The following C14orf39 variants were observed in gnomAD, a reference collection of about 807,000 sequenced individuals.
C14orf39 encodes the protein protein SIX6OS1.
C14orf39 carries 66 observed loss-of-function variants against 85.6 expected under a neutral mutation model. The observed-to-expected ratio is 0.77, with a 90% confidence interval of 0.63 to 0.95. The LOEUF (loss-of-function observed/expected upper bound fraction) is 0.95. Among genes scored for constraint, C14orf39 ranks in the 40% least tolerant of loss-of-function variants. The pLI, the probability that C14orf39 is intolerant of heterozygous loss-of-function variation, is 0.00. For missense variants in C14orf39, 735 were observed against 663.9 expected (o/e 1.11, Z -1.18); for synonymous variants, 242 against 214.0 (o/e 1.13, Z -1.14).
intron 16 of C14orf39, among the ~76,000 whole-genome samples, chr14:60,447,280 T>C (rs1409417558): frequency 6.6e-6 from 1 of 152,284 alleles, no homozygotes; most frequent in Non-Finnish European, 1.5e-5. Context: ...GCAGATGACA[T>C]GATTGTATAT....
intron 13 of C14orf39, among the ~76,000 whole-genome samples, chr14:60,461,041 A>C (rs1891499547): frequency 6.6e-6 from 1 of 151,928 alleles, no homozygotes; most frequent in Non-Finnish European, 1.5e-5. Context: ...AAGAATAAAA[A>C]ATTATGTATA....
intron 1 of C14orf39, chr14:60,510,954 C>T: frequency 1.1e-6 from 1 of 941,756 alleles, no homozygotes; most frequent in Non-Finnish European, 1.6e-6. Flanking sequence ...CCGAGTAATC[C>T]TCGCCTTAAC....
chr14:60,511,469 C>A (rs903604359), intron 1 of C14orf39: 4 of 624,568 alleles, frequency 6.4e-6, no homozygotes, highest in East Asian at 2.7e-5. Context: ...AGCGGTGAGG[C>A]CTGACCCAGC....
intron 13 of C14orf39, among the ~76,000 whole-genome samples, chr14:60,459,070 C>A (rs895227296): frequency 6.6e-6 from 1 of 151,568 alleles, no homozygotes; most frequent in Non-Finnish European, 1.5e-5. Flanking sequence ...CCTTAGTTTG[C>A]TTTATATTGT....
At chr14:60,458,542 G>C in intron 14 of C14orf39, 136 bp downstream of exon 14, 1 of 525,538 alleles carries the variant, frequency 1.9e-6, no homozygotes, top group Non-Finnish European at 3.2e-6. Flanking sequence ...AATAGAATCT[G>C]TAACTCTCTA....
intron 11 of C14orf39, among the ~76,000 whole-genome samples, chr14:60,465,518 T>G (rs1281829900): frequency 6.6e-6 from 1 of 152,050 alleles, no homozygotes; most frequent in East Asian, 1.9e-4. Context: ...GGATATAAGA[T>G]GAACAGGGGG....
chr14:60,483,316 A>G (rs1892728093), intron 4 of C14orf39, among the ~76,000 whole-genome samples: 1 of 152,202 alleles, frequency 6.6e-6, no homozygotes, highest in African/African-American at 2.4e-5. Context: ...AGCCATGTTG[A>G]AAGAATTCTT....
chr14:60,446,284 A>C (rs547257153), intron 16 of C14orf39, among the ~76,000 whole-genome samples: 1 of 151,764 alleles, frequency 6.6e-6, no homozygotes, highest in African/African-American at 2.4e-5. Context: ...TGGATTCAAC[A>C]AAATTGATAG....
Position 60,463,727 on chromosome 14 carries a change from T to C in C14orf39, c.973-2134A>G, listed in dbSNP as rs553903641. 4.3e-4 allele frequency among the ~76,000 whole-genome samples: 65 copies of C among 152,266 alleles called. No homozygotes were observed. The South Asian group carries it at 0.012, about 27-fold the overall frequency. ...TGTTTGACTTGTATTTTTTAAATCA[T>C]GGTAAGTGAAAATAGCACTTTTTAG... On this transcript the variant is annotated intron_variant, in intron 11 of 17. Coordinates refer to ENST00000321731, the MANE Select transcript of C14orf39 (RefSeq NM_174978.3).
At chr14:60,480,514 A>G (rs891818887) in intron 4 of C14orf39, among the ~76,000 whole-genome samples, 36 of 152,228 alleles carry the variant, frequency 2.4e-4, no homozygotes, top group African/African-American at 8.7e-4. Context: ...GGAAGTGTAA[A>G]CTAGTACAGC....
At chr14:60,506,506 A>AG (rs1893205160) in intron 1 of C14orf39, among the ~76,000 whole-genome samples, 1 of 152,156 alleles carries the variant, frequency 6.6e-6, no homozygotes, top group Non-Finnish European at 1.5e-5. Flanking sequence ...CCTCTTTCCC[A>AG]GGGGGCTCGG....
rs1893348987 is a variant in C14orf39, at chr14:60,515,233, C to T, written c.-144+162G>A. The T allele has an allele frequency of 6.6e-6, 1 of 151,604 alleles. No individual in the cohort carries two copies. The highest frequency in any genetic ancestry group is 2.1e-4 in the South Asian group (1 of 4,828). 9.4% of individuals were successfully genotyped at this position (151,604 alleles called of 1,614,324 possible). A position where few individuals can be genotyped will look rare whatever the true frequency, so the allele number is the denominator to read the frequency against. On this transcript the variant is annotated intron_variant, in intron 1 of 5. Coordinates refer to the C14orf39 transcript ENST00000556799. This position sits in a 1 kb window ranked among gnomAD's most constrained non-coding sequence, Gnocchi z 6.2. ...CTGGAGCGGCGGGCGCGTGGGTCCC[C>T]TCGGGGAGGCGCCCCAAGCCACGGT...
rs142741846 is a variant in C14orf39, at chr14:60,475,202, T to C, written c.323+3098A>G. Among the ~76,000 whole-genome samples the C allele has an allele frequency of 8.8e-4, 134 of 152,340 alleles. No individual in the cohort carries two copies. In the East Asian group the frequency reaches 0.024, roughly 27 times the overall value. On this transcript the variant is annotated intron_variant, in intron 5 of 17. Transcript: ENST00000321731. ...TTTATTTGCATAGAGGTGTTTATAG[T>C]ATGCTCTGATGGTAGTTTGTATTTC...
chr14:60,496,379 A>T (rs1893070082), intron 2 of C14orf39: 2 of 340,524 alleles, frequency 5.9e-6, no homozygotes, highest in Admixed American at 7.1e-5. Flanking sequence ...CCCTTTGGGT[A>T]AATAGCTTAT....
At chr14:60,485,244 T>G in intron 1 of C14orf39, among the ~76,000 whole-genome samples, 158 bp from the exon 2 acceptor site, 1 of 152,212 alleles carries the variant, frequency 6.6e-6, no homozygotes. Context: ...CATGGCGACA[T>G]TCCCAGCCCC....
rs1893354100 is a variant in C14orf39, at chr14:60,515,509, G to C, written c.-258C>G. ...AGAAACCTCTCAAAACCGGGGGACC[G>C]AGACGGGGTTCAATTTAAACCTAGG... On this transcript the variant is annotated 5_prime_UTR_variant, in exon 1 of 6. Transcript: ENST00000556799. This position sits in a 1 kb window ranked among gnomAD's most constrained non-coding sequence, Gnocchi z 6.2. 1 of 151,854 alleles carries C rather than the reference G, an allele frequency of 6.6e-6. No homozygotes were observed. The highest frequency in any genetic ancestry group is 2.4e-5 in the African/African-American group (1 of 41,378). The allele number at this position is 151,854 out of a possible 1,614,324, so 9.4% of individuals were successfully genotyped here.
intron 11 of C14orf39, among the ~76,000 whole-genome samples, chr14:60,462,314 A>T (rs1424695414): frequency 6.6e-6 from 1 of 152,156 alleles, no homozygotes; most frequent in Non-Finnish European, 1.5e-5. Flanking sequence ...CATTGAGCCC[A>T]GGATTTCAAG....
At position 60,474,521 on chromosome 14, in the gene C14orf39, T is replaced by G. The variant is rs371204079; in HGVS notation, c.324-2782A>C. On this transcript the variant is annotated intron_variant, in intron 5 of 17. Coordinates refer to ENST00000321731, the MANE Select transcript of C14orf39 (RefSeq NM_174978.3). ...CTTCCAGTTTTTGCCCATTCAGTAT[T>G]ATATTGGCTGTGGGTTTGTCATAAA... Among the ~76,000 whole-genome samples the G allele has an allele frequency of 1.7e-4, 25 of 147,628 alleles. 1 individual carries two copies. The highest frequency in any genetic ancestry group is 6.2e-4 in the Admixed American group (9 of 14,546).
intron 1 of C14orf39, chr14:60,511,009 C>G (rs968094941): frequency 1.6e-5 from 24 of 1,470,576 alleles, no homozygotes; most frequent in Non-Finnish European, 2.1e-5. Flanking sequence ...GCTGGAGGGA[C>G]GCAGGAGGTG....
Sources: gnomAD v4.1 joint callset for allele counts (sites outside exome capture counted in the v4.1 genomes callset) on GRCh38, gnomAD v4.1.1 for gene constraint, Gnocchi (gnomAD v3.1) non-coding constraint, MANE v1.5 for transcripts, NCBI Gene and HGNC (gene_info 2026-07-23, HGNC 2026-07-21) for gene names.